The following WWTR1 variants were observed in gnomAD, a reference collection of about 807,000 sequenced individuals.
WWTR1 encodes the protein WW domain containing transcription regulator 1, also known as WW domain-containing transcription regulator protein 1.
In WWTR1, 13 loss-of-function variants were observed where a neutral mutation model predicts 40.1. The ratio of observed to expected loss-of-function variants is 0.32; its 90% confidence interval spans 0.21 to 0.52. The LOEUF (loss-of-function observed/expected upper bound fraction) is 0.52. Ranked by LOEUF, WWTR1 falls within the 20% of genes least tolerant of loss-of-function variation. The probability of loss-of-function intolerance (pLI) is 0.97; values close to 1 mark genes in which losing one functional copy is unlikely to be tolerated. For missense variants in WWTR1, 436 were observed against 523.1 expected (o/e 0.83, Z 1.63); for synonymous variants, 230 against 210.1 (o/e 1.09, Z -0.82).
At chr3:149,537,825 T>C (rs760986000) in intron 4 of WWTR1, among the ~76,000 whole-genome samples, 1 of 152,240 alleles carries the variant, frequency 6.6e-6, no homozygotes, top group African/African-American at 2.4e-5. Context: ...AATGGAATCA[T>C]ACAGGATGTA....
At chr3:149,687,589 C>T (rs1714695755) in intron 1 of WWTR1, among the ~76,000 whole-genome samples, 1 of 152,140 alleles carries the variant, frequency 6.6e-6, no homozygotes, top group South Asian at 2.1e-4. Flanking sequence ...CTATCATTTC[C>T]ATTTTGCAGA....
In WWTR1 at chr3:149,645,114, C is replaced by G. The variant is rs1441236212; in HGVS notation, c.431+11762G>C. On this transcript the variant is annotated intron_variant, in intron 2 of 6. Transcript: ENST00000360632. ...TTTTTTTTTGAGACGGAGTCTCGAT[C>G]TGTCGCCCAGGCTGGAGTGCAGTGG... 2.3e-4 allele frequency among the ~76,000 whole-genome samples: 32 copies of G among 141,026 alleles called. 1 individual carries two copies. The highest frequency in any genetic ancestry group is 2.2e-3 in the Admixed American group (31 of 14,190). The allele number at this position is 141,026 out of a possible 152,430, so 92.5% of individuals were successfully genotyped here.
chr3:149,643,734 C>T (rs1043902738), intron 2 of WWTR1, among the ~76,000 whole-genome samples: 16 of 152,136 alleles, frequency 1.1e-4, no homozygotes, highest in African/African-American at 3.9e-4. Context: ...CTGTTATGAC[C>T]TATCCTGGGA....
At chr3:149,600,172 C>A (rs1380252258) in intron 2 of WWTR1, among the ~76,000 whole-genome samples, 1 of 151,648 alleles carries the variant, frequency 6.6e-6, no homozygotes, top group Admixed American at 6.6e-5. Context: ...GGTCCTGGAA[C>A]CAATCCTTTC....
chr3:149,626,077 C>A (rs888329120), intron 2 of WWTR1, among the ~76,000 whole-genome samples: 6 of 152,176 alleles, frequency 3.9e-5, no homozygotes, highest in Non-Finnish European at 7.3e-5. Context: ...AATTGTAACT[C>A]ATGACAAATG....
intron 4 of WWTR1, among the ~76,000 whole-genome samples, chr3:149,538,218 T>A (rs912614592): frequency 6.6e-6 from 1 of 152,122 alleles, no homozygotes; most frequent in Admixed American, 6.5e-5. Context: ...CCACGCTTAG[T>A]CAAAAATTAA....
chr3:149,631,399 G>A (rs574236850), intron 2 of WWTR1, among the ~76,000 whole-genome samples: 1 of 152,130 alleles, frequency 6.6e-6, no homozygotes, highest in South Asian at 2.1e-4. Flanking sequence ...AGCAAAATCA[G>A]TTCTGAAACA....
chr3:149,662,396 T>A (rs1398058137), upstream of WWTR1, among the ~76,000 whole-genome samples: 1 of 152,214 alleles, frequency 6.6e-6, no homozygotes, highest in Admixed American at 6.5e-5. Flanking sequence ...TGTAAATCTT[T>A]CCATTTGCAA....
At chr3:149,597,445 A>G (rs6807736) in intron 2 of WWTR1, among the ~76,000 whole-genome samples, 2,151 of 135,868 alleles carry the variant, frequency 0.016, 20 homozygotes, top group African/African-American at 0.067. Context: ...AAAAAAAAAA[A>G]AAGAAGAAGA....
intron 3 of WWTR1, among the ~76,000 whole-genome samples, chr3:149,565,307 CTT>C (rs63069960): frequency 1.4e-5 from 2 of 145,710 alleles, no homozygotes; most frequent in Non-Finnish European, 1.5e-5. Flanking sequence ...TAGCATACTA[CTT>C]TTTTTTTTTA....
intron 2 of WWTR1, among the ~76,000 whole-genome samples, chr3:149,644,438 T>G (rs1028418658): frequency 6.6e-6 from 1 of 152,170 alleles, no homozygotes; most frequent in African/African-American, 2.4e-5. Flanking sequence ...ATGGCTCACA[T>G]CAGACAGTCC....
Position 149,543,925 on chromosome 3 carries a change from C to G in WWTR1, c.569-1388G>C, listed in dbSNP as rs145950265. Among the ~76,000 whole-genome samples the G allele has an allele frequency of 5.3e-5, 8 of 150,112 alleles. No homozygotes were observed. In the East Asian group the frequency reaches 1.6e-3, roughly 29 times the overall value. ...TATATGTATATTTTTTATAATATTTCATATATATGTATATATTTTAAACAT... is the reference window on the plus strand; with the variant it reads ...TATATGTATATTTTTTATAATATTTGATATATATGTATATATTTTAAACAT... On this transcript the variant is annotated intron_variant, in intron 3 of 6. Transcript: ENST00000360632.
At chr3:149,679,232 A>G (rs1427137875) in intron 1 of WWTR1, among the ~76,000 whole-genome samples, 5 of 152,232 alleles carry the variant, frequency 3.3e-5, no homozygotes, top group African/African-American at 2.4e-5. Flanking sequence ...GTTGGCGATG[A>G]GCATTTTGGA....
chr3:149,713,866 C>A (rs542852382), intron 5 of WWTR1, among the ~76,000 whole-genome samples: 1 of 152,170 alleles, frequency 6.6e-6, no homozygotes, highest in Non-Finnish European at 1.5e-5. Context: ...GTTGCCCAAC[C>A]CTCGTGCAGT....
intron 1 of WWTR1, among the ~76,000 whole-genome samples, chr3:149,682,135 C>A (rs1007303661): frequency 2.0e-5 from 3 of 152,152 alleles, no homozygotes. Context: ...GACTGATCCA[C>A]CATCTTCCAC....
chr3:149,661,888 A>G (rs1370633769), upstream of WWTR1, among the ~76,000 whole-genome samples: 1 of 151,630 alleles, frequency 6.6e-6, no homozygotes, highest in Non-Finnish European at 1.5e-5. Flanking sequence ...ACCCACCACC[A>G]CACCTGGCTA....
chr3:149,593,660 A>T lies in WWTR1; in HGVS notation c.432-20660T>A, dbSNP rs12638909. 3.5e-4 allele frequency among the ~76,000 whole-genome samples: 53 copies of T among 152,334 alleles called. No individual in the cohort carries two copies. The East Asian group carries it at 8.1e-3, about 23-fold the overall frequency. The stretch of plus-strand genomic sequence containing the variant: ...AACATTAAACGACTTATACAAATGG[A>T]AACAAAATGCTCTTTGAGTTCTATT... On this transcript the variant is annotated intron_variant, in intron 2 of 6. Transcript: ENST00000360632.
At chr3:149,646,506 A>G (rs2108138664) in intron 2 of WWTR1, among the ~76,000 whole-genome samples, 1 of 152,352 alleles carries the variant, frequency 6.6e-6, no homozygotes, top group South Asian at 2.1e-4. Context: ...TTATAATTCA[A>G]CTGTACACTG....
At chr3:149,641,133 CT>C in intron 2 of WWTR1, among the ~76,000 whole-genome samples, 1 of 152,242 alleles carries the variant, frequency 6.6e-6, no homozygotes, top group Admixed American at 6.5e-5. Flanking sequence ...TCTTGGCAGA[CT>C]TTACTGTCAC....
Sources: gnomAD v4.1 joint callset for allele counts (sites outside exome capture counted in the v4.1 genomes callset) on GRCh38, gnomAD v4.1.1 for gene constraint, MANE v1.5 for transcripts, NCBI Gene and HGNC (gene_info 2026-07-23, HGNC 2026-07-21) for gene names.